Variants in SNRNP200 observed in about 807,000 individuals in gnomAD.
SNRNP200 encodes U5 small nuclear ribonucleoprotein 200 kDa helicase.
In SNRNP200, 66 loss-of-function variants were observed where a neutral mutation model predicts 255.2. The observed-to-expected ratio is 0.26, with a 90% CI of 0.21 to 0.32. The LOEUF (loss-of-function observed/expected upper bound fraction) is 0.32, where lower values mean the gene tolerates loss of function less well. Ranked by LOEUF, SNRNP200 falls within the 10% of genes least tolerant of loss-of-function variation. The pLI is 1.00. For synonymous variants in SNRNP200, 939 were observed against 1,027.8 expected (o/e 0.91, Z 1.65); for missense variants, 1,585 against 2,749.8 (o/e 0.58, Z 9.47).
At chr2:96,298,005 T>C (rs998231544) in intron 9 of SNRNP200, among the ~76,000 whole-genome samples, 4 of 152,242 alleles carry the variant, frequency 2.6e-5, no homozygotes, top group African/African-American at 9.6e-5. Context: ...AGCAAGTACA[T>C]GTGTTCTGTT....
In SNRNP200 at chr2:96,287,082, A is replaced by G. The variant is rs1171371868; in HGVS notation, c.3563T>C (p.Val1188Ala). ...GGAGCGTGTGATAGGCTGCAGGTGC[A>G]CTGACAACTCCAACTTGGGAAACAG... ...VHLFPKLELS[V>A]HLQPITRSTL... Residue 1188 changes from valine to alanine, a missense_variant, in exon 27 of 45, where the codon GTG becomes GCG. Coordinates refer to ENST00000323853, the MANE Select transcript of SNRNP200 (RefSeq NM_014014.5). This position sits in a 1 kb window ranked among gnomAD's most constrained non-coding sequence, Gnocchi z 5.7. 1.2e-6 allele frequency: 2 copies of G among 1,614,140 alleles called. No individual in the cohort carries two copies. The highest frequency in any genetic ancestry group is 1.7e-5 in the Admixed American group (1 of 60,028).
At chr2:96,296,492 T>C (rs766090940) in intron 13 of SNRNP200, 44 bp downstream of exon 13, 15 of 1,606,384 alleles carry the variant, frequency 9.3e-6, no homozygotes, top group South Asian at 8.9e-5. Flanking sequence ...AACACTTTCA[T>C]AGGTGCACCC....
chr2:96,288,037 A>C (rs1238145950), intron 24 of SNRNP200, 68 bp from the exon 25 acceptor site: 3 of 1,407,998 alleles, frequency 2.1e-6, no homozygotes, highest in Admixed American at 1.7e-5. Context: ...GCCACTCTAC[A>C]CACGGTTTCA....
chr2:96,296,452 C>G (rs1252603091), intron 13 of SNRNP200, 84 bp downstream of exon 13: 23 of 1,390,274 alleles, frequency 1.7e-5, no homozygotes, highest in Non-Finnish European at 2.3e-5. Flanking sequence ...TGCCCTAATA[C>G]AAGAAGCGGT....
intron 2 of SNRNP200, among the ~76,000 whole-genome samples, chr2:96,303,822 G>A (rs2063969825): frequency 6.6e-6 from 1 of 151,576 alleles, no homozygotes; most frequent in Non-Finnish European, 1.5e-5. Flanking sequence ...CCCGGGAGGT[G>A]GAGGTTGCCG....
In SNRNP200 at chr2:96,291,020, A is replaced by G. The variant is rs1259330119; in HGVS notation, c.2422-205T>C. ...CATCTATTCAGTAATGAACATTTCA[A>G]GGTTCCAGAGGCACAAGTGCAGACT... On this transcript the variant is annotated intron_variant, in intron 18 of 44. Coordinates refer to ENST00000323853, the MANE Select transcript of SNRNP200 (RefSeq NM_014014.5). The surrounding 1 kb of genome is among the most constrained non-coding windows in gnomAD (Gnocchi z 4.2). Among the ~76,000 whole-genome samples the G allele has an allele frequency of 1.3e-5, 2 of 152,224 alleles. No individual in the cohort carries two copies. The highest frequency in any genetic ancestry group is 6.5e-5 in the Admixed American group (1 of 15,286).
intron 36 of SNRNP200, 70 bp downstream of exon 36, chr2:96,279,381 A>T: frequency 1.0e-6 from 1 of 989,560 alleles, no homozygotes; most frequent in Non-Finnish European, 1.6e-6. Flanking sequence ...GAAGACATCT[A>T]TCAAAAGAAA....
rs2063898675 is a variant in SNRNP200, at chr2:96,293,617, A to G, written c.1843-108T>C. On this transcript the variant is annotated intron_variant, in intron 14 of 44. Coordinates refer to ENST00000323853, the MANE Select transcript of SNRNP200 (RefSeq NM_014014.5). Reference sequence around the variant, plus strand: ...TATAACCTAATATGCCTAAGAAAAAAGACAAGGGATCCCAAGCCACAGATG... The same window carrying G: ...TATAACCTAATATGCCTAAGAAAAAGGACAAGGGATCCCAAGCCACAGATG... 2.9e-6 allele frequency: 3 copies of G among 1,030,120 alleles called. No individual in the cohort carries two copies. In the South Asian group the frequency reaches 4.1e-5, roughly 14 times the overall value. The allele number at this position is 1,030,120 out of a possible 1,614,324, so 63.8% of individuals were successfully genotyped here.
At chr2:96,279,937 G>C (rs1684732315) in intron 35 of SNRNP200, 2 of 319,810 alleles carry the variant, frequency 6.3e-6, no homozygotes, top group African/African-American at 2.2e-5. Context: ...ACAGGGTCTT[G>C]CTCTGCTGTC....
rs58451399 is a variant in SNRNP200, at chr2:96,291,983, T to C, written c.2161-83A>G. The C allele has an allele frequency of 4.7e-5, 71 of 1,496,076 alleles. No homozygotes were observed. In the African/African-American group the frequency reaches 5.6e-4, roughly 12 times the overall value. 92.7% of individuals were successfully genotyped at this position (1,496,076 alleles called of 1,614,324 possible). ...GCAGCAGGAAGCAGAAGTTGCACCA[T>C]CACCACCAGAAGCCAAGGTCCTGGA... On this transcript the variant is annotated intron_variant, in intron 16 of 44. Transcript: ENST00000323853. The surrounding 1 kb of genome is among the most constrained non-coding windows in gnomAD (Gnocchi z 4.2).
chr2:96,301,516 G>C lies in SNRNP200; in HGVS notation c.574+8C>G. 6.2e-7 allele frequency: 1 copy of C among 1,613,788 alleles called. No homozygotes were observed. Among genetic ancestry groups the C allele is most frequent in the Non-Finnish European group, 8.5e-7 (1 of 1,179,722 alleles). ...TGAACATGATCAGAACATAAAGCGC[G>C]CACTTACCCATATTTTGGATTTCCT... On this transcript the variant is annotated splice_region_variant and intron_variant, in intron 4 of 44. Transcript: ENST00000323853.
intron 34 of SNRNP200, chr2:96,282,922 T>TC: frequency 3.8e-6 from 2 of 525,454 alleles, no homozygotes; most frequent in Admixed American, 3.1e-5. Context: ...ATCAGCGGTC[T>TC]GGTGGCCAAA....
At chr2:96,276,265 G>A (rs982526201) in intron 43 of SNRNP200, among the ~76,000 whole-genome samples, 1 of 152,130 alleles carries the variant, frequency 6.6e-6, no homozygotes, top group Admixed American at 6.5e-5. Context: ...CAAGCACCCA[G>A]AAGCACAGTA....
At position 96,283,982 on chromosome 2, in the gene SNRNP200, G is replaced by T; in HGVS notation, c.4415C>A (p.Ser1472Tyr). The change falls in exon 32 of 45, where the codon TCC becomes TAC. Residue 1472 changes from serine (S) to tyrosine (Y), a missense_variant. Ser to Tyr is a moderately radical substitution (Grantham distance 144, BLOSUM62 -2). This residue lies in a region of SNRNP200 where 719 missense variants were observed against 1,091.1 expected (regional missense o/e 0.66). Coordinates refer to ENST00000323853, the MANE Select transcript of SNRNP200 (RefSeq NM_014014.5). This position sits in a 1 kb window ranked among gnomAD's most constrained non-coding sequence, Gnocchi z 4.7. ...ENGPVLEVICSRMRYISSQIE... is the reference protein window; with the variant it reads ...ENGPVLEVICYRMRYISSQIE... The stretch of plus-strand genomic sequence containing the variant: ...CTGGGAGGAGATGTAGCGCATTCGG[G>T]AGCAGATCACTTCTAAGACAGGCTG... The T allele has an allele frequency of 6.5e-7, 1 of 1,548,740 alleles. No homozygotes were observed. The highest frequency in any genetic ancestry group is 1.1e-5 in the South Asian group (1 of 87,232).
Position 96,305,526 on chromosome 2 carries a change from A to G in SNRNP200, c.-89T>C. On this transcript the variant is annotated 5_prime_UTR_variant, in exon 1 of 45. Coordinates refer to ENST00000323853, the MANE Select transcript of SNRNP200 (RefSeq NM_014014.5). ...AGATCTCTGCTCCCGCCGCGCCGGA[A>G]CGACGCAGGAAAGACGCACTGGGGA... 6.4e-7 allele frequency: 1 copy of G among 1,573,950 alleles called. No individual in the cohort carries two copies. Among genetic ancestry groups the G allele is most frequent in the Non-Finnish European group, 8.7e-7 (1 of 1,148,748 alleles).
Position 96,278,349 on chromosome 2 carries a change from C to T in SNRNP200, c.5498G>A (p.Ser1833Asn). 1 of 1,614,166 alleles carries T rather than the reference C, an allele frequency of 6.2e-7. No individual in the cohort carries two copies. The highest frequency in any genetic ancestry group is 8.5e-7 in the Non-Finnish European group (1 of 1,180,040). ...CTTGGTCTTGGCATTGAGGGACATG[C>T]TGAAGAGCTCTGACAGAAAAAGGAA... The part of the protein sequence containing the change: ...YINYTTIELF[S>N]MSLNAKTKVR... Residue 1833 changes from serine (S) to asparagine (N), a missense_variant, in exon 39 of 45, where the codon AGC (serine) becomes AAC (asparagine). By Grantham distance (46) the Ser-to-Asn change is conservative. This residue lies in a region of SNRNP200 where 279 missense variants were observed against 551.2 expected (regional missense o/e 0.51). Transcript: ENST00000323853. The surrounding 1 kb of genome is among the most constrained non-coding windows in gnomAD (Gnocchi z 6.9).
rs527321478 is a variant in SNRNP200, at chr2:96,291,915, C to T, written c.2161-15G>A. ...AACACCAGCACCTAAGGAGAAGCCA[C>T]AGTTTGCTACAGTCACGAGATACTC... On this transcript the variant is annotated splice_polypyrimidine_tract_variant and intron_variant, in intron 16 of 44. Coordinates refer to ENST00000323853, the MANE Select transcript of SNRNP200 (RefSeq NM_014014.5). The surrounding 1 kb of genome is among the most constrained non-coding windows in gnomAD (Gnocchi z 4.2). 6.2e-7 allele frequency: 1 copy of T among 1,613,256 alleles called. No individual in the cohort carries two copies. The highest frequency in any genetic ancestry group is 8.5e-7 in the Non-Finnish European group (1 of 1,180,016).
At chr2:96,282,742 TTGCCTTCCC>T (rs1428647268) in intron 34 of SNRNP200, 6 of 286,908 alleles carry the variant, frequency 2.1e-5, no homozygotes, top group African/African-American at 1.1e-4. Flanking sequence ...TGCTTCCCCT[TTGCCTTCCC>T]TGAGGCCTTC....
At position 96,293,242 on chromosome 2, in the gene SNRNP200, T is replaced by C. The variant is rs1446011237; in HGVS notation, c.2036+74A>G. On this transcript the variant is annotated intron_variant, in intron 15 of 44. Transcript: ENST00000323853. The stretch of plus-strand genomic sequence containing the variant: ...AAGGCCCTTCTAAAACCCAACCCAG[T>C]AGCACTCCTTGGAAAAGAGGAAAGA... The C allele has an allele frequency of 3.2e-5, 50 of 1,573,584 alleles. No individual in the cohort carries two copies. In the East Asian group the frequency reaches 9.8e-4, roughly 31 times the overall value.
Sources: allele counts gnomAD v4.1 joint callset (sites outside exome capture counted in the v4.1 genomes callset), GRCh38; gene constraint gnomAD v4.1.1; regional missense constraint gnomAD v4.1.1; non-coding constraint Gnocchi (gnomAD v3.1); transcripts MANE v1.5; gene names NCBI Gene and HGNC (gene_info 2026-07-23, HGNC 2026-07-21).